The following BAD variants were observed in gnomAD, a reference collection of about 807,000 sequenced individuals.
The protein encoded by BAD is BCL2 associated agonist of cell death, also known as bcl2-associated agonist of cell death.
Under a neutral mutation model 17.8 loss-of-function variants are expected in BAD, and 18 were observed. The ratio of observed to expected loss-of-function variants is 1.01; its 90% CI spans 0.70 to 1.50. BAD has a LOEUF of 1.50. Ranked by LOEUF, BAD falls within the 40% of genes most tolerant of loss-of-function variation. BAD has a pLI of 0.00. For missense variants in BAD, 294 were observed against 239.3 expected, an observed-to-expected ratio of 1.23 and a Z score of -1.51; for synonymous variants, 112 against 91.5, an observed-to-expected ratio of 1.22 and a Z score of -1.28.
chr11:64,274,500 CA>C (rs1235607548), intron 2 of BAD, among the ~76,000 whole-genome samples: 13 of 151,870 alleles, frequency 8.6e-5, no homozygotes, highest in Admixed American at 3.3e-4. Context: ...CAGCCTGACC[CA>C]ACATGGCAAA....
At chr11:64,281,537 C>T (rs1213595139) in intron 2 of BAD, among the ~76,000 whole-genome samples, 1 of 152,174 alleles carries the variant, frequency 6.6e-6, no homozygotes, top group African/African-American at 2.4e-5. Context: ...TTCCTAAACC[C>T]CCTCCCCTAG....
At chr11:64,280,497 A>G (rs1222729273) in intron 2 of BAD, among the ~76,000 whole-genome samples, 22 of 137,794 alleles carry the variant, frequency 1.6e-4, no homozygotes, top group African/African-American at 5.1e-4. Context: ...GACTATAGGC[A>G]CCCACCACCA....
intron 2 of BAD, among the ~76,000 whole-genome samples, chr11:64,283,705 G>A (rs553897277): frequency 6.6e-6 from 1 of 152,346 alleles, no homozygotes; most frequent in South Asian, 2.1e-4. Context: ...GAAACACCAG[G>A]AAGGTGTGGC....
chr11:64,274,986 T>C (rs1299387044), intron 2 of BAD, among the ~76,000 whole-genome samples: 6 of 97,144 alleles, frequency 6.2e-5, no homozygotes, highest in African/African-American at 7.3e-5. Context: ...GAGTGAGACT[T>C]TGTCTCAAAA....
chr11:64,273,753 G>A lies in BAD; in HGVS notation c.188-1950C>T, dbSNP rs539942320. Among the ~76,000 whole-genome samples the A allele has an allele frequency of 1.1e-4, 16 of 147,294 alleles. No homozygotes were observed. The South Asian group carries it at 3.2e-3, about 29-fold the overall frequency. ...AAAAATTAGCCAGGCGCGGTGGCAG[G>A]CACCTGTAATCCCAGCTACTCGGGA... On this transcript the variant is annotated intron_variant, in intron 2 of 3. Transcript: ENST00000309032.
At chr11:64,277,925 G>C (rs1162261668) in intron 2 of BAD, among the ~76,000 whole-genome samples, 1 of 152,120 alleles carries the variant, frequency 6.6e-6, no homozygotes, top group African/African-American at 2.4e-5. Flanking sequence ...TTTCTTTAGG[G>C]ACCTTGAAAT....
intron 2 of BAD, chr11:64,276,636 A>G (rs2033088080): frequency 5.1e-6 from 2 of 392,578 alleles, no homozygotes; most frequent in South Asian, 3.8e-5. Flanking sequence ...CCTAAATTGA[A>G]TTTTTAAAAA....
chr11:64,274,284 G>A (rs2032877954), intron 2 of BAD, among the ~76,000 whole-genome samples: 1 of 152,178 alleles, frequency 6.6e-6, no homozygotes, highest in East Asian at 1.9e-4. Context: ...CTACTCGGGA[G>A]GGTGAGGCAG....
intron 2 of BAD, among the ~76,000 whole-genome samples, chr11:64,274,561 G>A (rs1173038680): frequency 2.0e-5 from 3 of 152,006 alleles, no homozygotes; most frequent in Non-Finnish European, 4.4e-5. Context: ...GGTGGCTCAC[G>A]CCTGTAATCC....
Position 64,284,625 on chromosome 11 carries a change from T to C in BAD, c.-9+6A>G. ...CCCGCCCGTGGTGACGGCGCACAGGTCTCACCCCAAGCCCGATCTCGAGGC... is the reference window on the plus strand; with the variant it reads ...CCCGCCCGTGGTGACGGCGCACAGGCCTCACCCCAAGCCCGATCTCGAGGC... On this transcript the variant is annotated splice_donor_region_variant and intron_variant, in intron 1 of 3. Coordinates refer to ENST00000309032, the MANE Select transcript of BAD (RefSeq NM_032989.3). 1 of 1,520,852 alleles carries C rather than the reference T, an allele frequency of 6.6e-7. No homozygotes were observed. The allele number at this position is 1,520,852 out of a possible 1,614,324, so 94.2% of individuals were successfully genotyped here.
At chr11:64,273,505 C>A (rs188874162) in intron 2 of BAD, among the ~76,000 whole-genome samples, 1 of 152,136 alleles carries the variant, frequency 6.6e-6, no homozygotes, top group African/African-American at 2.4e-5. Flanking sequence ...CAACTCCTGC[C>A]AACTCCACTC....
chr11:64,269,991 C>A lies in BAD; in HGVS notation c.*218G>T. The A allele has an allele frequency of 1.1e-6, 1 of 889,902 alleles. No homozygotes were observed. The highest frequency in any genetic ancestry group is 1.8e-6 in the Non-Finnish European group (1 of 568,554). 55.1% of individuals were successfully genotyped at this position (889,902 alleles called of 1,614,324 possible). A position where few individuals can be genotyped will look rare whatever the true frequency, so the allele number is the denominator to read the frequency against. On this transcript the variant is annotated 3_prime_UTR_variant, in exon 4 of 4. Transcript: ENST00000309032. Reference sequence around the variant, plus strand: ...GCCTGAGGGCGGGGCCACGGAGCCACTTCCGGCGGCTGTGGGCGGAAAACC... The same window carrying A: ...GCCTGAGGGCGGGGCCACGGAGCCAATTCCGGCGGCTGTGGGCGGAAAACC...
At chr11:64,278,179 A>T (rs1419448154) in intron 2 of BAD, among the ~76,000 whole-genome samples, 1 of 151,968 alleles carries the variant, frequency 6.6e-6, no homozygotes. Context: ...CTGTAGTCCC[A>T]GCTACTTAGG....
chr11:64,280,187 G>A (rs981029484), intron 2 of BAD, among the ~76,000 whole-genome samples: 1 of 151,054 alleles, frequency 6.6e-6, no homozygotes, highest in Non-Finnish European at 1.5e-5. Context: ...GGGCATGGTG[G>A]CGGGAGGCTG....
chr11:64,270,198 T>A lies in BAD; in HGVS notation c.*11A>T, dbSNP rs372512554. The A allele has an allele frequency of 1.1e-4, 170 of 1,613,818 alleles. No homozygotes were observed. The highest frequency in any genetic ancestry group is 1.4e-4 in the Non-Finnish European group (167 of 1,179,932). On this transcript the variant is annotated 3_prime_UTR_variant, in exon 4 of 4. Coordinates refer to ENST00000309032, the MANE Select transcript of BAD (RefSeq NM_032989.3). ...TGGGAACGGGTGGAGTTTCGGGATG[T>A]GGAGCGAAGGTCACTGGGAGGGGGC...
At chr11:64,271,334 A>G (rs1591130513) in intron 3 of BAD, among the ~76,000 whole-genome samples, 1 of 92,944 alleles carries the variant, frequency 1.1e-5, no homozygotes, top group East Asian at 3.3e-4. Flanking sequence ...ACACACACAC[A>G]CGCCTGGAGT....
intron 2 of BAD, among the ~76,000 whole-genome samples, chr11:64,279,678 G>C (rs2033303068): frequency 6.6e-6 from 1 of 151,298 alleles, no homozygotes; most frequent in Non-Finnish European, 1.5e-5. Context: ...CAGGAGAATG[G>C]CATGAACCCA....
intron 2 of BAD, among the ~76,000 whole-genome samples, chr11:64,276,131 T>C (rs963897357): frequency 6.6e-6 from 1 of 152,176 alleles, no homozygotes; most frequent in African/African-American, 2.4e-5. Flanking sequence ...GGCCTTCTGC[T>C]AGCACCAGTT....
intron 2 of BAD, among the ~76,000 whole-genome samples, chr11:64,280,641 G>A (rs759788478): frequency 4.1e-5 from 6 of 147,310 alleles, no homozygotes; most frequent in Non-Finnish European, 6.0e-5. Flanking sequence ...GTGAGCCACC[G>A]CGCCTGGCCT....
Sources: gnomAD v4.1 joint callset for allele counts (sites outside exome capture counted in the v4.1 genomes callset) on GRCh38, gnomAD v4.1.1 for gene constraint, MANE v1.5 for transcripts, NCBI Gene and HGNC (gene_info 2026-07-23, HGNC 2026-07-21) for gene names.